Variants in ANKRD33B observed in about 807,000 individuals in gnomAD.
The protein encoded by ANKRD33B is ankyrin repeat domain 33B.
ANKRD33B carries 6 observed loss-of-function variants against 21.5 expected under a neutral mutation model. The ratio of observed to expected loss-of-function variants is 0.28; its 90% CI spans 0.15 to 0.55. The LOEUF is 0.55. Ranked by LOEUF, ANKRD33B falls within the 20% of genes least tolerant of loss-of-function variation. The pLI is 0.94. For missense variants in ANKRD33B, 698 were observed against 747.2 expected (o/e 0.93, Z 0.77); for synonymous variants, 347 against 342.4 (o/e 1.01, Z -0.15).
At chr5:10,621,505 C>T (rs185600255) in intron 2 of ANKRD33B, among the ~76,000 whole-genome samples, 2 of 152,326 alleles carry the variant, frequency 1.3e-5, no homozygotes, top group African/African-American at 4.8e-5. Flanking sequence ...TGCATTTACC[C>T]ATTTTCCTGT....
chr5:10,576,486 G>T lies in ANKRD33B; in HGVS notation c.366+11653G>T, dbSNP rs1735324568. Among the ~76,000 whole-genome samples, 1 of 152,160 alleles carries T rather than the reference G, an allele frequency of 6.6e-6. No individual in the cohort carries two copies. The highest frequency in any genetic ancestry group is 6.5e-5 in the Admixed American group (1 of 15,276). On this transcript the variant is annotated intron_variant, in intron 1 of 3. Coordinates refer to ENST00000296657, the MANE Select transcript of ANKRD33B (RefSeq NM_001164440.2). The surrounding 1 kb of genome is among the most constrained non-coding windows in gnomAD (Gnocchi z 4.1). ...TCTTAGAGTAGAAATCCAGTTTGTTGGTTGCATGATCCTGGACAAGTCCCA... is the reference window on the plus strand; with the variant it reads ...TCTTAGAGTAGAAATCCAGTTTGTTTGTTGCATGATCCTGGACAAGTCCCA...
chr5:10,649,410 C>T lies in ANKRD33B; in HGVS notation c.782C>T (p.Pro261Leu), dbSNP rs1737268920. 6.5e-7 allele frequency: 1 copy of T among 1,535,348 alleles called. No individual in the cohort carries two copies. The highest frequency in any genetic ancestry group is 8.7e-7 in the Non-Finnish European group (1 of 1,146,592). The change falls in exon 4 of 4, where the codon CCC (proline) becomes CTC (leucine). Residue 261 changes from proline (P) to leucine (L), a missense_variant. This residue lies in a region of ANKRD33B where 543 missense variants were observed against 566.5 expected (regional missense o/e 0.96). Coordinates refer to ENST00000296657, the MANE Select transcript of ANKRD33B (RefSeq NM_001164440.2). ...GAGCAGTTCTGGGAGAAGTACCGGC[C>T]CGAGCTGCCGCCGCCCCCTGAAGCG... ...CPEQFWEKYRPELPPPPEAAR... is the reference protein window; with the variant it reads ...CPEQFWEKYRLELPPPPEAAR...
chr5:10,571,126 T>C (rs1473493732), intron 1 of ANKRD33B, among the ~76,000 whole-genome samples: 2 of 152,208 alleles, frequency 1.3e-5, no homozygotes, highest in Non-Finnish European at 2.9e-5. Context: ...ACTTTGCCCC[T>C]GATCTACAGT....
chr5:10,619,181 CA>C lies in ANKRD33B; in HGVS notation c.496+720del, dbSNP rs1256108899. On this transcript the variant is annotated intron_variant, in intron 2 of 3. Transcript: ENST00000296657. This position sits in a 1 kb window ranked among gnomAD's most constrained non-coding sequence, Gnocchi z 4.5. ...GACCAGGTTTATCACTGACCCCTTTCACATTTCTTTGCCTCCAAAGATTCTG... is the reference window on the plus strand; with the variant it reads ...GACCAGGTTTATCACTGACCCCTTTCCATTTCTTTGCCTCCAAAGATTCTG... The C allele has an allele frequency of 2.4e-5, 10 of 413,226 alleles. No homozygotes were observed. Among genetic ancestry groups the C allele is most frequent in the Non-Finnish European group, 2.6e-5 (8 of 307,110 alleles). The allele number at this position is 413,226 out of a possible 1,614,324, so 25.6% of individuals were successfully genotyped here. A position where few individuals can be genotyped will look rare whatever the true frequency, so the allele number is the denominator to read the frequency against.
chr5:10,584,377 C>G (rs1735508684), intron 1 of ANKRD33B, among the ~76,000 whole-genome samples: 1 of 151,946 alleles, frequency 6.6e-6, no homozygotes, highest in Non-Finnish European at 1.5e-5. Flanking sequence ...AAGACCCTGT[C>G]TCTACAAAAA....
rs564045855 is a variant in ANKRD33B, at chr5:10,570,500, TGCTTCA to T, written c.366+5672_366+5677del. ...AGGCTGAGCAAATATGGCCTCATGA[TGCTTCA>T]GCTTGGCTGAAGCATCACTTCTGGC... is the stretch of plus-strand genomic sequence containing the variant. On this transcript the variant is annotated intron_variant, in intron 1 of 3. Transcript: ENST00000296657. Among the ~76,000 whole-genome samples, 400 of 152,300 alleles carry T rather than the reference TGCTTCA, an allele frequency of 2.6e-3. 1 individual carries two copies. The highest frequency in any genetic ancestry group is 9.0e-3 in the African/African-American group (375 of 41,562).
chr5:10,620,509 C>G (rs2096540322), intron 2 of ANKRD33B, among the ~76,000 whole-genome samples: 1 of 152,152 alleles, frequency 6.6e-6, no homozygotes, highest in Non-Finnish European at 1.5e-5. Flanking sequence ...AGGATTAGGT[C>G]ATGACAATAT....
chr5:10,566,139 TCA>T lies in ANKRD33B; in HGVS notation c.366+1311_366+1312del, dbSNP rs541657534. On this transcript the variant is annotated intron_variant, in intron 1 of 3. Transcript: ENST00000296657. ...TGGGTGGGGACACAGCCAAACCATATCACACAACATTTGAACTTGGAGGAAGG... is the reference window on the plus strand; with the variant it reads ...TGGGTGGGGACACAGCCAAACCATATCACAACATTTGAACTTGGAGGAAGG... Among the ~76,000 whole-genome samples the T allele has an allele frequency of 4.8e-3, 727 of 152,278 alleles. 3 individuals carry two copies. The highest frequency in any genetic ancestry group is 0.017 in the African/African-American group (687 of 41,540).
chr5:10,634,184 C>T (rs2126596318), intron 2 of ANKRD33B, among the ~76,000 whole-genome samples: 1 of 152,342 alleles, frequency 6.6e-6, no homozygotes, highest in Middle Eastern at 3.4e-3. Context: ...TTCTGAGTGG[C>T]AGGCCTGGGC....
At chr5:10,569,175 A>G (rs1434241060) in intron 1 of ANKRD33B, among the ~76,000 whole-genome samples, 1 of 152,190 alleles carries the variant, frequency 6.6e-6, no homozygotes, top group Non-Finnish European at 1.5e-5. Flanking sequence ...CTGCGTGTGC[A>G]CAGCAACGGG....
At chr5:10,636,718 C>T (rs1736875608) in intron 2 of ANKRD33B, among the ~76,000 whole-genome samples, 1 of 152,192 alleles carries the variant, frequency 6.6e-6, no homozygotes, top group African/African-American at 2.4e-5. Context: ...AGTTTCAGAC[C>T]TCATCAGCAG....
intron 3 of ANKRD33B, among the ~76,000 whole-genome samples, chr5:10,647,160 G>A (rs570993474): frequency 1.3e-4 from 20 of 151,622 alleles, no homozygotes; most frequent in South Asian, 4.2e-4. Context: ...GCTGGAGTGC[G>A]GTGGTGCGAT....
intron 2 of ANKRD33B, among the ~76,000 whole-genome samples, chr5:10,636,316 A>G (rs945054464): frequency 6.6e-6 from 1 of 152,240 alleles, no homozygotes; most frequent in Non-Finnish European, 1.5e-5. Context: ...TCGGTGCATA[A>G]GAATGGGGAC....
chr5:10,570,479 T>TGA (rs1372031571), intron 1 of ANKRD33B, among the ~76,000 whole-genome samples: 1 of 152,204 alleles, frequency 6.6e-6, no homozygotes. Context: ...GAGAGCAGGC[T>TGA]GAGCAAATAT....
chr5:10,647,602 G>C (rs1212117234), intron 3 of ANKRD33B, among the ~76,000 whole-genome samples: 1 of 151,594 alleles, frequency 6.6e-6, no homozygotes, highest in Non-Finnish European at 1.5e-5. Flanking sequence ...CTAGTGTCAG[G>C]GAGACTGTGT....
At chr5:10,570,931 G>A (rs1037092820) in intron 1 of ANKRD33B, among the ~76,000 whole-genome samples, 1 of 147,262 alleles carries the variant, frequency 6.8e-6, no homozygotes, top group African/African-American at 2.5e-5. Context: ...TGTCAATTAG[G>A]ACTCATTAAA....
intron 2 of ANKRD33B, among the ~76,000 whole-genome samples, chr5:10,632,589 G>T (rs965408346): frequency 1.3e-5 from 2 of 152,038 alleles, no homozygotes; most frequent in Non-Finnish European, 2.9e-5. Flanking sequence ...CCTCCTGCCC[G>T]GGGTTGGGGG....
At chr5:10,564,876 C>T (rs1735011173) in intron 1 of ANKRD33B, 43 bp downstream of exon 1, 2 of 1,460,038 alleles carry the variant, frequency 1.4e-6, no homozygotes, top group Admixed American at 4.6e-5. Flanking sequence ...CTCACTGCCC[C>T]CACTCCCCTC....
intron 1 of ANKRD33B, among the ~76,000 whole-genome samples, chr5:10,572,261 ACT>A (rs1309634958): frequency 2.6e-5 from 4 of 152,078 alleles, no homozygotes; most frequent in African/African-American, 9.7e-5. Context: ...ACTGGTGCAG[ACT>A]CTTGAACTCA....
Sources: allele counts gnomAD v4.1 joint callset (sites outside exome capture counted in the v4.1 genomes callset), GRCh38; gene constraint gnomAD v4.1.1; regional missense constraint gnomAD v4.1.1; non-coding constraint Gnocchi (gnomAD v3.1); transcripts MANE v1.5; gene names NCBI Gene and HGNC (gene_info 2026-07-23, HGNC 2026-07-21).